SRSF4: variants seen among roughly 807,000 people sequenced by gnomAD.
SRSF4 encodes the protein serine and arginine rich splicing factor 4.
SRSF4 carries 12 observed loss-of-function variants against 48.8 expected under a neutral mutation model. The ratio of observed to expected loss-of-function variants is 0.25; its 90% CI spans 0.16 to 0.40. The LOEUF (loss-of-function observed/expected upper bound fraction) is 0.40. Among genes scored for constraint, SRSF4 ranks in the 10% least tolerant of loss-of-function variants. The pLI, the probability that SRSF4 is intolerant of heterozygous loss-of-function variation, is 1.00. For synonymous variants in SRSF4, 248 were observed against 232.5 expected (o/e 1.07, Z -0.61); for missense variants, 466 against 667.1 (o/e 0.70, Z 3.32).
chr1:29,155,871 T>A (rs759449607), intron 3 of SRSF4, among the ~76,000 whole-genome samples: 1 of 152,182 alleles, frequency 6.6e-6, no homozygotes, highest in Non-Finnish European at 1.5e-5. Context: ...TCTTTCCTCA[T>A]TCTCTTTGAG....
chr1:29,150,017 C>G (rs1672381710), intron 5 of SRSF4, 86 bp downstream of exon 5: 10 of 1,145,250 alleles, frequency 8.7e-6, no homozygotes, highest in Non-Finnish European at 1.2e-5. Context: ...GACAGAGTGT[C>G]TCTTTGAAAA....
At chr1:29,163,413 C>T (rs113471239) in intron 1 of SRSF4, among the ~76,000 whole-genome samples, 123 of 152,308 alleles carry the variant, frequency 8.1e-4, no homozygotes, top group African/African-American at 2.1e-3. Context: ...CATTGACATG[C>T]TGAGTGGGTT....
chr1:29,155,542 G>A (rs762516952), intron 3 of SRSF4, among the ~76,000 whole-genome samples: 8 of 152,144 alleles, frequency 5.3e-5, no homozygotes, highest in Non-Finnish European at 1.2e-4. Flanking sequence ...CAGGCAGCTG[G>A]AGTGCAGTGA....
chr1:29,169,816 C>T (rs1199756234), intron 1 of SRSF4: 1 of 152,168 alleles, frequency 6.6e-6, no homozygotes. Context: ...ACAGAACAAT[C>T]ATTATCCTAA....
chr1:29,153,705 T>G (rs1672452548), intron 4 of SRSF4, among the ~76,000 whole-genome samples: 1 of 150,070 alleles, frequency 6.7e-6, no homozygotes, highest in Non-Finnish European at 1.5e-5. Flanking sequence ...TTCAAGCAAT[T>G]CTCCTGCCTC....
chr1:29,167,573 CG>C (rs1322985355), intron 1 of SRSF4, among the ~76,000 whole-genome samples: 2 of 152,120 alleles, frequency 1.3e-5, no homozygotes, highest in Non-Finnish European at 2.9e-5. Flanking sequence ...TTAGTGGAGA[CG>C]GGGTTTCACC....
chr1:29,154,928 T>G lies in SRSF4; in HGVS notation c.364-18A>C. 6.3e-7 allele frequency: 1 copy of G among 1,584,690 alleles called. No individual in the cohort carries two copies. Among genetic ancestry groups the G allele is most frequent in the Non-Finnish European group, 8.6e-7 (1 of 1,159,446 alleles). ...ATATAATCCTGAAGAAAAAAAAAAG[T>G]GTGACTACATTAGGATATGTTTTGC... On this transcript the variant is annotated intron_variant, in intron 3 of 5. Coordinates refer to ENST00000373795, the MANE Select transcript of SRSF4 (RefSeq NM_005626.5).
At chr1:29,164,268 G>C (rs2151817506) in intron 1 of SRSF4, among the ~76,000 whole-genome samples, 1 of 152,202 alleles carries the variant, frequency 6.6e-6, no homozygotes. Context: ...TTTATGTATG[G>C]GTCCCAATTT....
intron 1 of SRSF4, among the ~76,000 whole-genome samples, chr1:29,166,462 AG>A (rs1672670970): frequency 6.6e-6 from 1 of 152,248 alleles, no homozygotes; most frequent in Admixed American, 6.5e-5. Context: ...GCAACATTCC[AG>A]GGAACCAGCG....
At chr1:29,156,834 G>A (rs1672508143) in intron 3 of SRSF4, among the ~76,000 whole-genome samples, 1 of 152,176 alleles carries the variant, frequency 6.6e-6, no homozygotes, top group South Asian at 2.1e-4. Flanking sequence ...TGGGGGCCAG[G>A]GGGCCAATTG....
chr1:29,150,054 T>A, intron 5 of SRSF4, 49 bp downstream of exon 5: 2 of 1,470,364 alleles, frequency 1.4e-6, no homozygotes, highest in Admixed American at 1.7e-5. Flanking sequence ...TGAGACAGGG[T>A]ACAGGCATTC....
intron 1 of SRSF4, chr1:29,171,611 G>A (rs112075341): frequency 6.6e-6 from 1 of 151,836 alleles, no homozygotes; most frequent in Middle Eastern, 3.2e-3. Context: ...GAAGTTTTAA[G>A]ATTTCAGTGT....
At chr1:29,161,068 T>G (rs1672587808) in intron 1 of SRSF4, among the ~76,000 whole-genome samples, 1 of 152,234 alleles carries the variant, frequency 6.6e-6, no homozygotes, top group African/African-American at 2.4e-5. Flanking sequence ...TACTTCCCTG[T>G]GAGATTCCAA....
At chr1:29,166,819 T>C (rs990769636) in intron 1 of SRSF4, 1 of 152,206 alleles carries the variant, frequency 6.6e-6, no homozygotes, top group African/African-American at 2.4e-5. Flanking sequence ...AACTGGCAGT[T>C]CCCGCACACC....
rs749793784 is a variant in SRSF4 at position 29,148,588 on chromosome 1, G to A, written c.1307C>T (p.Thr436Ile). 3.7e-6 allele frequency: 6 copies of A among 1,613,932 alleles called. No homozygotes were observed. The highest frequency in any genetic ancestry group is 8.5e-7 in the Non-Finnish European group (1 of 1,179,974). The part of the protein sequence containing the change: ...EGRGESENAG[T>I]NQETRSRSRS... ...CGACCTGGACCGGGTCTCCTGATTG[G>A]TGCCAGCATTCTCACTCTCTCCTCG... is the stretch of plus-strand genomic sequence containing the variant. The change falls in exon 6 of 6, where the codon ACC (threonine) becomes ATC (isoleucine). Residue 436 changes from threonine to isoleucine, a missense_variant. By Grantham distance (89) the Thr-to-Ile change is moderately conservative (BLOSUM62 -1). Around this residue, in one of 2 missense-constraint regions of SRSF4, gnomAD observed 402 missense variants for 437.0 expected, o/e 0.92. Transcript: ENST00000373795.
rs1672375272 is a variant in SRSF4, at chr1:29,149,697, A to G, written c.668+406T>C. Reference sequence around the variant, plus strand: ...CTCTGTCTTGAGGGGGGAAAAAAAAAAAAAAAAAGAAAAAGAAGCTGGAAA... The same window carrying G: ...CTCTGTCTTGAGGGGGGAAAAAAAAGAAAAAAAAGAAAAAGAAGCTGGAAA... On this transcript the variant is annotated intron_variant, in intron 5 of 5. Coordinates refer to ENST00000373795, the MANE Select transcript of SRSF4 (RefSeq NM_005626.5). Among the ~76,000 whole-genome samples the G allele has an allele frequency of 2.3e-5, 3 of 133,050 alleles. No individual in the cohort carries two copies. In the South Asian group the frequency reaches 7.2e-4, roughly 32 times the overall value. 87.3% of individuals were successfully genotyped at this position (133,050 alleles called of 152,430 possible).
rs1672559643 is a variant in SRSF4 at position 29,159,505 on chromosome 1, A to C, written c.251-19T>G. ...TATCCACCTTTGGAAGGTTCAAATA[A>C]ATAAGATTATTTCAGTGGAAGAAAA... On this transcript the variant is annotated intron_variant, in intron 2 of 5. Coordinates refer to ENST00000373795, the MANE Select transcript of SRSF4 (RefSeq NM_005626.5). 1 of 1,581,628 alleles carries C rather than the reference A, an allele frequency of 6.3e-7. No individual in the cohort carries two copies. The highest frequency in any genetic ancestry group is 1.7e-5 in the Admixed American group (1 of 58,896).
chr1:29,151,996 G>A (rs1672417835), intron 4 of SRSF4, among the ~76,000 whole-genome samples: 1 of 152,014 alleles, frequency 6.6e-6, no homozygotes, highest in Non-Finnish European at 1.5e-5. Context: ...AGACAACTAG[G>A]GCAGGGTGCA....
intron 5 of SRSF4, 124 bp downstream of exon 5, chr1:29,149,979 G>A (rs1296843810): frequency 3.9e-6 from 3 of 776,136 alleles, no homozygotes; most frequent in Non-Finnish European, 6.5e-6. Context: ...AGTGAGCCAT[G>A]ACTGTACCAC....
Sources: allele counts gnomAD v4.1 joint callset (sites outside exome capture counted in the v4.1 genomes callset), GRCh38; gene constraint gnomAD v4.1.1; regional missense constraint gnomAD v4.1.1; transcripts MANE v1.5; gene names NCBI Gene and HGNC (gene_info 2026-07-23, HGNC 2026-07-21).